Variants in ARHGAP8 observed in about 807,000 individuals in gnomAD.
ARHGAP8 encodes rho GTPase-activating protein 8.
ARHGAP8 carries 62 observed loss-of-function variants against 46.1 expected under a neutral mutation model. That is an observed-to-expected ratio of 1.34 (90% CI 1.10 to 1.66). ARHGAP8 has a LOEUF of 1.66. ARHGAP8 is among the 40% of genes most tolerant of loss of function. The pLI, the probability that ARHGAP8 is intolerant of heterozygous loss-of-function variation, is 0.00. For missense variants in ARHGAP8, 923 were observed against 568.4 expected, an observed-to-expected ratio of 1.62 and a Z score of -6.34; for synonymous variants, 375 against 243.1, an observed-to-expected ratio of 1.54 and a Z score of -5.05.
chr22:44,851,118 G>A (rs1273624441), intron 10 of ARHGAP8, among the ~76,000 whole-genome samples: 3 of 152,104 alleles, frequency 2.0e-5, no homozygotes, highest in Non-Finnish European at 4.4e-5. Flanking sequence ...AGTCCCCGGG[G>A]AGGGAAGGAC....
At chr22:44,754,434 C>T (rs1924509515) in intron 1 of ARHGAP8, among the ~76,000 whole-genome samples, 1 of 151,884 alleles carries the variant, frequency 6.6e-6, no homozygotes. Context: ...CAGCTCACTG[C>T]AACCTCTGCC....
At chr22:44,817,529 C>T (rs1363337208) in intron 5 of ARHGAP8, among the ~76,000 whole-genome samples, 1 of 152,042 alleles carries the variant, frequency 6.6e-6, no homozygotes, top group African/African-American at 2.4e-5. Flanking sequence ...AGGGGCTGGG[C>T]GCAATAGCTC....
intron 1 of ARHGAP8, among the ~76,000 whole-genome samples, chr22:44,754,352 G>A (rs1433552542): frequency 6.8e-6 from 1 of 147,180 alleles, no homozygotes; most frequent in Non-Finnish European, 1.5e-5. Flanking sequence ...GTGTGTGTGT[G>A]TGTGTGTGTG....
intron 1 of ARHGAP8, among the ~76,000 whole-genome samples, chr22:44,760,973 T>TGGG (rs1925086040): frequency 6.6e-6 from 1 of 152,146 alleles, no homozygotes; most frequent in South Asian, 2.1e-4. Context: ...AGGCAGGCTT[T>TGGG]GGGGGATGGA....
At chr22:44,846,352 G>A (rs926915824) in intron 8 of ARHGAP8, among the ~76,000 whole-genome samples, 13 of 152,238 alleles carry the variant, frequency 8.5e-5, no homozygotes, top group Admixed American at 8.5e-4. Context: ...TTAGACAGGC[G>A]GGGCCTGGAG....
chr22:44,755,982 G>T (rs910263718), intron 1 of ARHGAP8, among the ~76,000 whole-genome samples: 3 of 152,222 alleles, frequency 2.0e-5, no homozygotes, highest in Non-Finnish European at 4.4e-5. Flanking sequence ...TGCATGAGAA[G>T]CGCAGGTGTT....
At chr22:44,778,417 C>G (rs113887845) in intron 1 of ARHGAP8, among the ~76,000 whole-genome samples, 9,127 of 152,140 alleles carry the variant, frequency 0.06, 753 homozygotes, top group African/African-American at 0.19. Flanking sequence ...TTTCTTTATC[C>G]TCTCGTTGAT....
intron 10 of ARHGAP8, among the ~76,000 whole-genome samples, chr22:44,853,063 A>G (rs1415968827): frequency 2.0e-5 from 3 of 152,128 alleles, no homozygotes; most frequent in Non-Finnish European, 4.4e-5. Context: ...CAGCCTCCCA[A>G]AGTGCTGGGA....
chr22:44,776,661 G>A (rs1247891250), intron 1 of ARHGAP8, among the ~76,000 whole-genome samples: 1 of 152,096 alleles, frequency 6.6e-6, no homozygotes, highest in Non-Finnish European at 1.5e-5. Context: ...CCTTTATTCT[G>A]AGTTACTGAG....
intron 7 of ARHGAP8, among the ~76,000 whole-genome samples, chr22:44,831,078 A>G (rs1930913255): frequency 6.6e-6 from 1 of 152,182 alleles, no homozygotes; most frequent in African/African-American, 2.4e-5. Flanking sequence ...CCCTTATCAG[A>G]TGTATGGTTT....
At chr22:44,796,086 C>A (rs1928064910) in intron 2 of ARHGAP8, among the ~76,000 whole-genome samples, 1 of 152,180 alleles carries the variant, frequency 6.6e-6, no homozygotes. Context: ...GCGACCTTGA[C>A]CCTCCCTCCC....
chr22:44,769,078 G>T (rs184255398), intron 1 of ARHGAP8, among the ~76,000 whole-genome samples: 4 of 151,992 alleles, frequency 2.6e-5, no homozygotes, highest in Non-Finnish European at 5.9e-5. Context: ...CAGGTGATCC[G>T]CCTGCCTTGG....
intron 10 of ARHGAP8, among the ~76,000 whole-genome samples, chr22:44,858,199 G>A (rs139569271): frequency 0.016 from 2,509 of 152,262 alleles, 44 homozygotes; most frequent in African/African-American, 0.042. Flanking sequence ...TAGAGCACCC[G>A]GTGGTCACCA....
intron 7 of ARHGAP8, among the ~76,000 whole-genome samples, chr22:44,827,336 GTTTTTTTTTTTT>G (rs796490147): frequency 0.013 from 889 of 67,290 alleles, 21 homozygotes; most frequent in African/African-American, 0.05. Flanking sequence ...TTGGGTGGTG[GTTTTTTTTTTTT>G]TTTTTTTTTT....
intron 10 of ARHGAP8, among the ~76,000 whole-genome samples, chr22:44,853,830 C>G (rs775822091): frequency 1.4e-4 from 22 of 151,810 alleles, no homozygotes; most frequent in Non-Finnish European, 2.9e-4. Flanking sequence ...GAGTTTGAGA[C>G]CAGTCTGACC....
intron 7 of ARHGAP8, among the ~76,000 whole-genome samples, chr22:44,838,186 G>A (rs532123331): frequency 6.6e-5 from 10 of 150,536 alleles, no homozygotes; most frequent in Middle Eastern, 6.9e-3. Context: ...TGCCCAGGCT[G>A]GAATGTGATG....
Position 44,827,336 on chromosome 22 carries a change from GTTT to G in ARHGAP8, c.596+1767_596+1769del, listed in dbSNP as rs796490147. On this transcript the variant is annotated intron_variant, in intron 7 of 11. Coordinates refer to ENST00000356099, the MANE Select transcript of ARHGAP8 (RefSeq NM_181335.3). ...GGTGAGATAATACATTTGGGTGGTG[GTTT>G]TTTTTTTTTTTTTTTTTTTTTTTGA... is the stretch of plus-strand genomic sequence containing the variant. Among the ~76,000 whole-genome samples, 229 of 67,244 alleles carry G rather than the reference GTTT, an allele frequency of 3.4e-3. 2 individuals carry two copies. The highest frequency in any genetic ancestry group is 0.013 in the South Asian group (16 of 1,272). 44.1% of individuals were successfully genotyped at this position (67,244 alleles called of 152,430 possible).
chr22:44,842,442 G>A (rs189046853), intron 7 of ARHGAP8, among the ~76,000 whole-genome samples: 2 of 152,330 alleles, frequency 1.3e-5, no homozygotes, highest in Non-Finnish European at 2.9e-5. Context: ...CCTAGACATA[G>A]ATTCACTGGA....
intron 2 of ARHGAP8, among the ~76,000 whole-genome samples, chr22:44,788,097 GTTATTATTA>G (rs901492875): frequency 2.0e-5 from 1 of 49,510 alleles, no homozygotes; most frequent in South Asian, 3.8e-4. Context: ...TTTATTATAT[GTTATTATTA>G]TTATTATTAT....
Sources: gnomAD v4.1 joint callset for allele counts (sites outside exome capture counted in the v4.1 genomes callset) on GRCh38, gnomAD v4.1.1 for gene constraint, MANE v1.5 for transcripts, NCBI Gene and HGNC (gene_info 2026-07-23, HGNC 2026-07-21) for gene names.